Variants in NAGA observed in about 807,000 individuals in gnomAD.
NAGA encodes alpha-N-acetylgalactosaminidase.
NAGA carries 42 observed loss-of-function variants against 45.6 expected under a neutral mutation model. The observed-to-expected ratio is 0.92, with a 90% CI of 0.72 to 1.19. The LOEUF (loss-of-function observed/expected upper bound fraction) is 1.19, where lower values mean the gene tolerates loss of function less well. Among genes scored for constraint, NAGA ranks in the 50% most tolerant of loss-of-function variants. The pLI, the probability that NAGA is intolerant of heterozygous loss-of-function variation, is 0.00. For synonymous variants in NAGA, 176 were observed against 203.1 expected, an observed-to-expected ratio of 0.87 and a Z score of 1.13; for missense variants, 493 against 544.8, an observed-to-expected ratio of 0.90 and a Z score of 0.95.
In NAGA at chr22:42,067,256, G is replaced by A. The variant is rs368177710; in HGVS notation, c.359C>T (p.Ala120Val). 56 of 1,613,984 alleles carry A rather than the reference G, an allele frequency of 3.5e-5. No homozygotes were observed. The highest frequency in any genetic ancestry group is 1.3e-4 in the East Asian group (6 of 44,888). ...HSLGLKLGIYADMGNFTCMGY... is the reference protein window; with the variant it reads ...HSLGLKLGIYVDMGNFTCMGY... ...CATGCAGGTGAAGTTGCCCATGTCC[G>A]CGTAGATACCCAACTTCAGGCCCAG... The change falls in exon 4 of 9, where the codon GCG becomes GTG. Residue 120 changes from alanine (A) to valine (V), a missense_variant. Coordinates refer to ENST00000396398, the MANE Select transcript of NAGA (RefSeq NM_000262.3).
At chr22:42,065,970 T>C in intron 5 of NAGA, 71 bp from the exon 6 acceptor site, 1 of 1,564,938 alleles carries the variant, frequency 6.4e-7, no homozygotes, top group Non-Finnish European at 8.7e-7. Flanking sequence ...CACACAGGAG[T>C]TGAGGAGGCT....
At chr22:42,063,768 CCTT>C (rs1353287559) in intron 6 of NAGA, among the ~76,000 whole-genome samples, 1 of 152,266 alleles carries the variant, frequency 6.6e-6, no homozygotes, top group Non-Finnish European at 1.5e-5. Flanking sequence ...AAAACCTCTT[CCTT>C]CTTTAATCTG....
Position 42,059,217 on chromosome 22 carries a change from G to A in NAGA, c.*1062C>T, listed in dbSNP as rs1354417482. On this transcript the variant is annotated 3_prime_UTR_variant, in exon 9 of 9. Transcript: ENST00000396398. ...GGGAAGACAAGTGCCCTGTAGCCTT[G>A]GCTAAAAGAGGAGGGCTTGGGAAAT... 6.6e-6 allele frequency: 1 copy of A among 152,228 alleles called. No individual in the cohort carries two copies. Among genetic ancestry groups the A allele is most frequent in the Non-Finnish European group, 1.5e-5 (1 of 68,066 alleles). The allele number at this position is 152,228 out of a possible 1,614,324, so 9.4% of individuals were successfully genotyped here.
In NAGA at chr22:42,060,207, G is replaced by A. The variant is rs1469718157; in HGVS notation, c.*72C>T. ...TGGGGAGCAGAGAACCTCCCCACTT[G>A]CCCTGGGCATGCCAAGGCTCCATGG... On this transcript the variant is annotated 3_prime_UTR_variant, in exon 9 of 9. Coordinates refer to ENST00000396398, the MANE Select transcript of NAGA (RefSeq NM_000262.3). 1 of 1,596,506 alleles carries A rather than the reference G, an allele frequency of 6.3e-7. No individual in the cohort carries two copies. Among genetic ancestry groups the A allele is most frequent in the Non-Finnish European group, 8.5e-7 (1 of 1,171,326 alleles).
rs1490857071 is a variant in NAGA, at chr22:42,060,319, TACC to T, written c.1193_1195del (p.Trp398del). On this transcript the variant is annotated inframe_deletion, in exon 9 of 9. Transcript: ENST00000396398. ...CTCCAGGTTCTTGATGGGATACAGGTACCACATCACTACCCCTGAAGGGTTGAT... is the reference window on the plus strand; with the variant it reads ...CTCCAGGTTCTTGATGGGATACAGGTACATCACTACCCCTGAAGGGTTGAT... The T allele has an allele frequency of 7.4e-6, 12 of 1,613,408 alleles. No individual in the cohort carries two copies. The highest frequency in any genetic ancestry group is 9.3e-6 in the Non-Finnish European group (11 of 1,179,934).
intron 5 of NAGA, 23 bp from the exon 6 acceptor site, chr22:42,065,922 A>C: frequency 6.2e-7 from 1 of 1,612,896 alleles, no homozygotes; most frequent in East Asian, 2.2e-5. Context: ...GGGAAGGCAG[A>C]GTCCAGCACC....
chr22:42,060,990 G>C lies in NAGA; in HGVS notation c.1035C>G (p.Thr345=). ...ASALVFFSCR[T]DMPYRYHSSL... ...AGGAGTGGTAGCGATAAGGCATATC[G>C]GTCCTGCAGCTGAAGAAGACTAAGG... The change falls in exon 8 of 9, where the codon ACC becomes ACG. Residue 345 remains threonine, a synonymous_variant. Coordinates refer to ENST00000396398, the MANE Select transcript of NAGA (RefSeq NM_000262.3). 1 of 1,614,206 alleles carries C rather than the reference G, an allele frequency of 6.2e-7. No individual in the cohort carries two copies. The highest frequency in any genetic ancestry group is 8.5e-7 in the Non-Finnish European group (1 of 1,180,036).
chr22:42,060,370 TC>T lies in NAGA; in HGVS notation c.1144del (p.Asp382MetfsTer7). 6.2e-7 allele frequency: 1 copy of T among 1,613,522 alleles called. No individual in the cohort carries two copies. Among genetic ancestry groups the T allele is most frequent in the Non-Finnish European group, 8.5e-7 (1 of 1,179,954 alleles). On this transcript the variant is annotated frameshift_variant, in exon 9 of 9. Transcript: ENST00000396398. LOFTEE classifies it high-confidence loss of function. Reference protein sequence around the residue: ...YSGDIISGLRDETNFTVIINP... With the variant: ...YSGDIISGLRXETNFTVIINP... Reference sequence around the variant, plus strand: ...GATGATCACTGTGAAGTTGGTTTCATCTCGGAGGCCACTGATGATGTCACCT... The same window carrying T: ...GATGATCACTGTGAAGTTGGTTTCATTCGGAGGCCACTGATGATGTCACCT...
intron 8 of NAGA, 103 bp from the exon 9 acceptor site, chr22:42,060,516 C>G (rs901562579): frequency 7.3e-6 from 11 of 1,507,456 alleles, no homozygotes; most frequent in Non-Finnish European, 9.1e-6. Flanking sequence ...TTTGGCCTGT[C>G]TGTGCTGGGC....
intron 6 of NAGA, among the ~76,000 whole-genome samples, chr22:42,063,254 C>T (rs550573786): frequency 2.4e-4 from 36 of 152,096 alleles, no homozygotes; most frequent in Middle Eastern, 3.4e-3. Flanking sequence ...GAACAGGAGT[C>T]GGCGGTAGGG....
intron 4 of NAGA, 50 bp downstream of exon 4, chr22:42,067,063 T>C (rs1926776955): frequency 6.2e-6 from 10 of 1,609,662 alleles, no homozygotes; most frequent in Non-Finnish European, 8.5e-6. Flanking sequence ...TGGGTCTCCA[T>C]GGCCACCCTC....
rs761861756 is a variant in NAGA at position 42,070,288 on chromosome 22, T to G, written c.10A>C (p.Lys4Gln). ...CCCCAGCCGGTGTAGGTACCTGTCT[T>G]CAGCAGCATCGCTCTGGACTCAGCT... MLL[K>Q]TVLLLGHVAQ... is the part of the protein sequence containing the mutation. The change falls in exon 1 of 9, where the codon AAG (lysine) becomes CAG (glutamine). Residue 4 changes from lysine (K) to glutamine (Q), a missense_variant. Physicochemically the swap from Lys to Gln is moderately conservative, Grantham distance 53 (BLOSUM62 1). Transcript: ENST00000396398. 7 of 1,614,188 alleles carry G rather than the reference T, an allele frequency of 4.3e-6. No homozygotes were observed. In the South Asian group the frequency reaches 5.5e-5, roughly 13 times the overall value.
Position 42,062,936 on chromosome 22 carries a change from G to A in NAGA, c.848C>T (p.Ser283Phe). ...WTVLAAPLLM[S>F]TDLRTISAQN... The stretch of plus-strand genomic sequence containing the variant: ...GGCGGAGATGGTACGCAGGTCTGTG[G>A]ACATCAAGAGGGGGGCTGCCAGCAC... The change falls in exon 7 of 9, where the codon TCC becomes TTC. Residue 283 changes from serine to phenylalanine, a missense_variant. Coordinates refer to ENST00000396398, the MANE Select transcript of NAGA (RefSeq NM_000262.3). 1 of 1,614,188 alleles carries A rather than the reference G, an allele frequency of 6.2e-7. No homozygotes were observed. Among genetic ancestry groups the A allele is most frequent in the Non-Finnish European group, 8.5e-7 (1 of 1,180,020 alleles).
Position 42,059,616 on chromosome 22 carries a change from T to C in NAGA, c.*663A>G, listed in dbSNP as rs992095762. The C allele has an allele frequency of 1.3e-5, 2 of 153,668 alleles. No individual in the cohort carries two copies. The highest frequency in any genetic ancestry group is 4.8e-5 in the African/African-American group (2 of 41,394). The allele number at this position is 153,668 out of a possible 1,614,324, so 9.5% of individuals were successfully genotyped here. A position where few individuals can be genotyped will look rare whatever the true frequency, so the allele number is the denominator to read the frequency against. On this transcript the variant is annotated 3_prime_UTR_variant, in exon 9 of 9. Coordinates refer to ENST00000396398, the MANE Select transcript of NAGA (RefSeq NM_000262.3). ...GGGTGTGAGGCAAGTCTGGCATCTCTAGGAAGTACAATCTTCTGGTCACTT... is the reference window on the plus strand; with the variant it reads ...GGGTGTGAGGCAAGTCTGGCATCTCCAGGAAGTACAATCTTCTGGTCACTT...
At chr22:42,068,284 G>T (rs1461045998) in intron 2 of NAGA, among the ~76,000 whole-genome samples, 155 bp downstream of exon 2, 1 of 152,140 alleles carries the variant, frequency 6.6e-6, no homozygotes, top group Non-Finnish European at 1.5e-5. Context: ...CAGGTCATGG[G>T]GCTAGGTGTC....
At chr22:42,069,606 T>C (rs1255317186) in intron 1 of NAGA, among the ~76,000 whole-genome samples, 1 of 111,926 alleles carries the variant, frequency 8.9e-6, no homozygotes, top group African/African-American at 3.6e-5. Context: ...GGTGACAGAG[T>C]GAGACTCCGT....
At chr22:42,069,602 A>G (rs12169654) in intron 1 of NAGA, among the ~76,000 whole-genome samples, 1,709 of 143,948 alleles carry the variant, frequency 0.012, 36 homozygotes, top group African/African-American at 0.042. Context: ...CCTGGGTGAC[A>G]GAGTGAGACT....
At position 42,068,459 on chromosome 22, in the gene NAGA, C is replaced by T. The variant is rs1306749721; in HGVS notation, c.132G>A (p.Glu44=). 4 of 1,614,052 alleles carry T rather than the reference C, an allele frequency of 2.5e-6. No individual in the cohort carries two copies. Among genetic ancestry groups the T allele is most frequent in the Admixed American group, 3.3e-5 (2 of 59,996 alleles). Residue 44 remains glutamate (E), a synonymous_variant, in exon 2 of 9, where the codon GAG becomes GAA. Transcript: ENST00000396398. The part of the protein sequence containing the change: ...ERFRCNINCD[E]DPKNCISEQL... ...CTCACCTTATGCAGTTCTTTGGGTCCTCATCACAGTTAATGTTGCAGCGGA... is the reference window on the plus strand; with the variant it reads ...CTCACCTTATGCAGTTCTTTGGGTCTTCATCACAGTTAATGTTGCAGCGGA...
At position 42,063,136 on chromosome 22, in the gene NAGA, GC is replaced by G. The variant is rs1926509457; in HGVS notation, c.760-113del. ...AGCAATTAGGGATTAGGGAAAGATG[GC>G]TGTATGTGGAGGAGGCCTGGTTCAG... On this transcript the variant is annotated intron_variant, in intron 6 of 8. Transcript: ENST00000396398. The G allele has an allele frequency of 2.7e-6, 3 of 1,107,616 alleles. No individual in the cohort carries two copies. In the Admixed American group the frequency reaches 6.0e-5, roughly 22 times the overall value. The allele number at this position is 1,107,616 out of a possible 1,614,324, so 68.6% of individuals were successfully genotyped here.
Sources: allele counts gnomAD v4.1 joint callset (sites outside exome capture counted in the v4.1 genomes callset), GRCh38; gene constraint gnomAD v4.1.1; transcripts MANE v1.5; gene names NCBI Gene and HGNC (gene_info 2026-07-23, HGNC 2026-07-21).